The following EPB41L5 variants were observed in gnomAD, a reference collection of about 807,000 sequenced individuals.
EPB41L5 encodes band 4.1-like protein 5.
A neutral mutation model predicts 106.6 loss-of-function variants in EPB41L5; 55 were observed. That is an observed-to-expected ratio of 0.52 (90% confidence interval 0.42 to 0.65). The LOEUF (loss-of-function observed/expected upper bound fraction) is 0.65, where lower values mean the gene tolerates loss of function less well. EPB41L5 is among the 30% of genes least tolerant of loss of function. The pLI is 0.00. For synonymous variants in EPB41L5, 297 were observed against 306.7 expected, an observed-to-expected ratio of 0.97 and a Z score of 0.33; for missense variants, 871 against 882.1, an observed-to-expected ratio of 0.99 and a Z score of 0.16.
chr2:120,160,166 G>C (rs953899104), intron 20 of EPB41L5, among the ~76,000 whole-genome samples: 1 of 152,256 alleles, frequency 6.6e-6, no homozygotes, highest in African/African-American at 2.4e-5. Flanking sequence ...AAATTCCAAT[G>C]ATACAAGTTT....
At chr2:120,074,312 A>T (rs1372627572) in intron 5 of EPB41L5, 134 bp downstream of exon 5, 1 of 609,934 alleles carries the variant, frequency 1.6e-6, no homozygotes, top group Non-Finnish European at 2.8e-6. Context: ...AAATAATAGA[A>T]TTTTATTCTG....
intron 2 of EPB41L5, among the ~76,000 whole-genome samples, chr2:120,040,969 T>C (rs1679367208): frequency 6.6e-6 from 1 of 152,066 alleles, no homozygotes; most frequent in South Asian, 2.1e-4. Flanking sequence ...GGATGAGCAG[T>C]TATGAAAATT....
chr2:120,041,647 ATTTTC>A (rs1438827859), intron 2 of EPB41L5, among the ~76,000 whole-genome samples: 1 of 151,972 alleles, frequency 6.6e-6, no homozygotes, highest in African/African-American at 2.4e-5. Flanking sequence ...AGTTTTTTGT[ATTTTC>A]TTTGTCCAAT....
chr2:120,045,189 G>A (rs1056064863), intron 3 of EPB41L5, among the ~76,000 whole-genome samples: 5 of 152,278 alleles, frequency 3.3e-5, no homozygotes, highest in African/African-American at 1.2e-4. Flanking sequence ...AGTCCAAAAC[G>A]TCTATGACTA....
intron 2 of EPB41L5, among the ~76,000 whole-genome samples, chr2:120,037,047 A>C (rs925669127): frequency 2.6e-5 from 4 of 152,124 alleles, no homozygotes; most frequent in Non-Finnish European, 5.9e-5. Context: ...AATTATCTCT[A>C]TTTAAGATGA....
intron 2 of EPB41L5, among the ~76,000 whole-genome samples, chr2:120,037,289 G>A (rs979860108): frequency 3.3e-5 from 5 of 152,108 alleles, no homozygotes; most frequent in African/African-American, 1.2e-4. Context: ...GATATCCCAC[G>A]TTCAAGAATT....
intron 16 of EPB41L5, among the ~76,000 whole-genome samples, chr2:120,122,001 C>T (rs1685236793): frequency 6.6e-6 from 1 of 152,078 alleles, no homozygotes; most frequent in Non-Finnish European, 1.5e-5. Flanking sequence ...CTGTTCATAT[C>T]CTTTGCCCAC....
Position 120,022,818 on chromosome 2 carries a change from A to G in EPB41L5, c.180+3554A>G, listed in dbSNP as rs142543504. ...CCACTAACAGTGTAAAAGCATTCCT[A>G]TTTCTCCACATCCTCTCCAGCACCT... On this transcript the variant is annotated intron_variant, in intron 2 of 24. Coordinates refer to ENST00000263713, the MANE Select transcript of EPB41L5 (RefSeq NM_020909.4). Among the ~76,000 whole-genome samples, 270 of 152,216 alleles carry G rather than the reference A, an allele frequency of 1.8e-3. 1 individual carries two copies. The highest frequency in any genetic ancestry group is 6.1e-3 in the African/African-American group (254 of 41,532).
intron 17 of EPB41L5, among the ~76,000 whole-genome samples, chr2:120,130,989 A>G (rs1202675638): frequency 6.6e-6 from 1 of 152,218 alleles, no homozygotes; most frequent in Non-Finnish European, 1.5e-5. Context: ...CAGGACAGTT[A>G]ATTTTAAAAG....
rs183485968 is a variant in EPB41L5 at position 120,022,071 on chromosome 2, C to T, written c.180+2807C>T. On this transcript the variant is annotated intron_variant, in intron 2 of 24. Transcript: ENST00000263713. ...TTTTTAAGTTTTTTCTTTGAAAATACGACAGTAAACTTGTTTAAGAGCTTA... is the reference window on the plus strand; with the variant it reads ...TTTTTAAGTTTTTTCTTTGAAAATATGACAGTAAACTTGTTTAAGAGCTTA... Among the ~76,000 whole-genome samples the T allele has an allele frequency of 3.8e-3, 582 of 152,142 alleles. 16 individuals carry two copies. Among genetic ancestry groups the T allele is most frequent in the Admixed American group, 0.03 (458 of 15,276 alleles).
intron 3 of EPB41L5, among the ~76,000 whole-genome samples, chr2:120,071,344 T>C (rs1489959827): frequency 6.6e-6 from 1 of 152,038 alleles, no homozygotes; most frequent in Non-Finnish European, 1.5e-5. Context: ...CACAAACAAA[T>C]GGAAAAACAT....
intron 1 of EPB41L5, among the ~76,000 whole-genome samples, chr2:120,016,159 G>A (rs1677509633): frequency 6.6e-6 from 1 of 152,138 alleles, no homozygotes; most frequent in Non-Finnish European, 1.5e-5. Context: ...GTCCGGCGAG[G>A]TGGCTTACGC....
chr2:120,084,532 A>T (rs1682923102), intron 10 of EPB41L5, among the ~76,000 whole-genome samples: 4 of 152,004 alleles, frequency 2.6e-5, no homozygotes, highest in Admixed American at 1.3e-4. Flanking sequence ...GGGTAACCCG[A>T]CCTTTCTCTC....
At chr2:120,120,364 A>T (rs1388409158) in intron 16 of EPB41L5, among the ~76,000 whole-genome samples, 2 of 148,058 alleles carry the variant, frequency 1.4e-5, no homozygotes, top group Admixed American at 1.4e-4. Flanking sequence ...CTCAGGAGGC[A>T]GAGGTTGCAG....
At chr2:120,168,435 ATGT>A (rs1311734264) in intron 24 of EPB41L5, among the ~76,000 whole-genome samples, 9 of 152,284 alleles carry the variant, frequency 5.9e-5, no homozygotes, top group African/African-American at 2.2e-4. Context: ...TTACCAATAC[ATGT>A]TGTGAGCTCA....
intron 2 of EPB41L5, among the ~76,000 whole-genome samples, chr2:120,027,220 T>C (rs1221578338): frequency 6.6e-6 from 1 of 152,172 alleles, no homozygotes; most frequent in East Asian, 1.9e-4. Flanking sequence ...GGAAAACATA[T>C]TGCACAAAAG....
chr2:120,121,025 G>A (rs977990399), intron 16 of EPB41L5, among the ~76,000 whole-genome samples: 1 of 152,158 alleles, frequency 6.6e-6, no homozygotes, highest in African/African-American at 2.4e-5. Flanking sequence ...GATAAGGCAG[G>A]AGAATCGCCC....
At chr2:120,130,482 T>C (rs1341862329) in intron 17 of EPB41L5, among the ~76,000 whole-genome samples, 1 of 152,200 alleles carries the variant, frequency 6.6e-6, no homozygotes, top group Non-Finnish European at 1.5e-5. Context: ...AGGATGTTCC[T>C]TGGACAAAAT....
chr2:120,075,805 T>C lies in EPB41L5; in HGVS notation c.505+52T>C, dbSNP rs1256361506. The stretch of plus-strand genomic sequence containing the variant: ...AGACTCAAGTATAATCTTTTTTGTG[T>C]GTGTTTTTAGTTAAAGAAGATTCTA... On this transcript the variant is annotated intron_variant, in intron 7 of 24. Coordinates refer to ENST00000263713, the MANE Select transcript of EPB41L5 (RefSeq NM_020909.4). The C allele has an allele frequency of 5.7e-6, 8 of 1,415,048 alleles. No individual in the cohort carries two copies. In the Admixed American group the frequency reaches 1.4e-4, roughly 24 times the overall value. 87.7% of individuals were successfully genotyped at this position (1,415,048 alleles called of 1,614,324 possible). A position where few individuals can be genotyped will look rare whatever the true frequency, so the allele number is the denominator to read the frequency against.
Sources: gnomAD v4.1 joint callset for allele counts (sites outside exome capture counted in the v4.1 genomes callset) on GRCh38, gnomAD v4.1.1 for gene constraint, MANE v1.5 for transcripts, NCBI Gene and HGNC (gene_info 2026-07-23, HGNC 2026-07-21) for gene names.